NBPF26: variants seen among roughly 807,000 people sequenced by gnomAD.
The protein encoded by NBPF26 is NBPF family member NBPF26.
NBPF26 carries 79 observed loss-of-function variants against 119.6 expected under a neutral mutation model. The ratio of observed to expected loss-of-function variants is 0.66; its 90% confidence interval spans 0.55 to 0.80. The LOEUF is 0.80. Ranked by LOEUF, NBPF26 falls within the 30% of genes least tolerant of loss-of-function variation. The pLI is 0.00. For missense variants in NBPF26, 800 were observed against 1,198.2 expected (o/e 0.67, Z 4.91); for synonymous variants, 299 against 457.7 (o/e 0.65, Z 4.43).
At position 120,750,062 on chromosome 1, in the gene NBPF26, A is replaced by G; in HGVS notation, c.74-13566A>G. Among the ~76,000 whole-genome samples the G allele has an allele frequency of 4.5e-5, 3 of 66,706 alleles. No homozygotes were observed. In the Admixed American group the frequency reaches 4.6e-4, roughly 10 times the overall value. The allele number at this position is 66,706 out of a possible 152,430, so 43.8% of individuals were successfully genotyped here. On this transcript the variant is annotated intron_variant, in intron 1 of 29. Coordinates refer to ENST00000620612, the Ensembl canonical transcript of NBPF26. ...GAGAATGTTGTAGTCACAAATGTAT[A>G]TTATGGAAGTTTGCAGATTATGGTG...
chr1:120,840,789 G>T, downstream of NBPF26: 3 of 699,238 alleles, frequency 4.3e-6, no homozygotes, highest in Non-Finnish European at 6.5e-6. Flanking sequence ...CGTTAGGTGT[G>T]ACACGTTCAC....
rs1165026170 is a variant in NBPF26, at chr1:120,781,721, G to A, written c.156-3253G>A. Among the ~76,000 whole-genome samples the A allele has an allele frequency of 1.1e-3, 109 of 103,436 alleles. 26 individuals carry two copies. The highest frequency in any genetic ancestry group is 2.5e-3 in the South Asian group (9 of 3,576). 67.9% of individuals were successfully genotyped at this position (103,436 alleles called of 152,430 possible). A position where few individuals can be genotyped will look rare whatever the true frequency, so the allele number is the denominator to read the frequency against. On this transcript the variant is annotated intron_variant, in intron 2 of 29. Coordinates refer to ENST00000620612, the Ensembl canonical transcript of NBPF26. ...TGGGACTACAGGCGCCTGCCACCAC[G>A]CCTGGCTAATTTTTTATATTTTTAG...
chr1:120,801,408 A>T lies in NBPF26; in HGVS notation c.752-4148A>T, dbSNP rs1226808010. Among the ~76,000 whole-genome samples, 4 of 113,408 alleles carry T rather than the reference A, an allele frequency of 3.5e-5. 1 individual carries two copies. Among genetic ancestry groups the T allele is most frequent in the African/African-American group, 1.9e-4 (4 of 21,386 alleles). 74.4% of individuals were successfully genotyped at this position (113,408 alleles called of 152,430 possible). On this transcript the variant is annotated intron_variant, in intron 4 of 29. Coordinates refer to ENST00000620612, the Ensembl canonical transcript of NBPF26. ...TTTTGGAATATGGTAAAAGACACTG[A>T]AATATATGCTTAAAAATGGTGATTT...
intron 6 of NBPF26, among the ~76,000 whole-genome samples, chr1:120,807,971 C>G (rs1224176673): frequency 1.6e-5 from 2 of 122,284 alleles, no homozygotes; most frequent in Non-Finnish European, 3.3e-5. Context: ...CAAAATTTAC[C>G]AAAGGAGTGG....
At chr1:120,729,034 G>C (rs1382773292) in intron 1 of NBPF26, among the ~76,000 whole-genome samples, 1 of 116,126 alleles carries the variant, frequency 8.6e-6, no homozygotes, top group Non-Finnish European at 1.6e-5. Context: ...TGAGTGGCAG[G>C]TCTTAGTCAC....
intron 6 of NBPF26, among the ~76,000 whole-genome samples, chr1:120,808,215 G>T (rs1553270426): frequency 2.5e-5 from 3 of 118,804 alleles, no homozygotes; most frequent in Admixed American, 1.7e-4. Context: ...TGCACTATGT[G>T]TATTTTCACA....
intron 10 of NBPF26, among the ~76,000 whole-genome samples, chr1:120,813,637 C>T (rs1315151695): frequency 3.1e-5 from 4 of 128,748 alleles, no homozygotes; most frequent in East Asian, 3.9e-4. Context: ...TCTGACTCCA[C>T]TTCGTTGTGG....
downstream of NBPF26, chr1:120,840,779 C>T (rs1440751957): frequency 3.5e-5 from 29 of 824,366 alleles, 3 homozygotes; most frequent in South Asian, 1.3e-4. Context: ...AATGGACCCA[C>T]GTTAGGTGTG....
intron 2 of NBPF26, among the ~76,000 whole-genome samples, chr1:120,776,067 G>A (rs1651304471): frequency 8.8e-6 from 1 of 114,014 alleles, no homozygotes; most frequent in Non-Finnish European, 1.7e-5. Context: ...TTTTTAAGGG[G>A]TAAAGATTCC....
At position 120,789,424 on chromosome 1, in the gene NBPF26, G is replaced by A. The variant is rs1401648497; in HGVS notation, c.416-3737G>A. On this transcript the variant is annotated intron_variant, in intron 3 of 29. Coordinates refer to ENST00000620612, the Ensembl canonical transcript of NBPF26. ...CTTACAGTTCCATATGGCTGGGGAG[G>A]CCTCAGAATTATGGTGGGAGGCAAA... Among the ~76,000 whole-genome samples, 2 of 105,568 alleles carry A rather than the reference G, an allele frequency of 1.9e-5. 1 individual carries two copies. Among genetic ancestry groups the A allele is most frequent in the Non-Finnish European group, 3.5e-5 (2 of 56,808 alleles). The allele number at this position is 105,568 out of a possible 152,430, so 69.3% of individuals were successfully genotyped here.
intron 18 of NBPF26, among the ~76,000 whole-genome samples, chr1:120,825,275 G>C (rs1442559821): frequency 1.6e-5 from 2 of 122,280 alleles, no homozygotes; most frequent in Non-Finnish European, 3.2e-5. Context: ...GTGTCACCCG[G>C]CCAATTCACT....
In NBPF26 at chr1:120,793,513, T is replaced by C. The variant is rs1340702386; in HGVS notation, c.751+17T>C. 1.7e-6 allele frequency: 2 copies of C among 1,181,968 alleles called. 1 individual carries two copies. The highest frequency in any genetic ancestry group is 6.0e-5 in the African/African-American group (2 of 33,428). 73.2% of individuals were successfully genotyped at this position (1,181,968 alleles called of 1,614,324 possible). A position where few individuals can be genotyped will look rare whatever the true frequency, so the allele number is the denominator to read the frequency against. ...GCCTTCCAGGTAAGGAGCTCCCTAGTGTCCCAGGATTAGGGGACAAACCCC... is the reference window on the plus strand; with the variant it reads ...GCCTTCCAGGTAAGGAGCTCCCTAGCGTCCCAGGATTAGGGGACAAACCCC... On this transcript the variant is annotated intron_variant, in intron 4 of 29. Coordinates refer to ENST00000620612, the Ensembl canonical transcript of NBPF26.
intron 5 of NBPF26, among the ~76,000 whole-genome samples, chr1:120,806,845 A>G (rs1651699983): frequency 8.2e-6 from 1 of 121,614 alleles, no homozygotes; most frequent in Non-Finnish European, 1.7e-5. Flanking sequence ...GGGTACTACA[A>G]TAATACCTAC....
In NBPF26 at chr1:120,767,755, A is replaced by G. The variant is rs1429602293; in HGVS notation, c.155+4046A>G. Among the ~76,000 whole-genome samples, 4 of 115,530 alleles carry G rather than the reference A, an allele frequency of 3.5e-5. 1 individual carries two copies. The East Asian group carries it at 8.5e-4, about 25-fold the overall frequency. The allele number at this position is 115,530 out of a possible 152,430, so 75.8% of individuals were successfully genotyped here. A position where few individuals can be genotyped will look rare whatever the true frequency, so the allele number is the denominator to read the frequency against. ...GTTGTTGTTTGCTTCAGACTTTCAA[A>G]TATAAACCATTCTAAATCCCAATTT... On this transcript the variant is annotated intron_variant, in intron 2 of 29. Transcript: ENST00000620612.
At chr1:120,776,306 A>G (rs1651306325) in intron 2 of NBPF26, among the ~76,000 whole-genome samples, 2 of 104,826 alleles carry the variant, frequency 1.9e-5, no homozygotes, top group South Asian at 2.9e-4. Flanking sequence ...ACTTAATGAA[A>G]TTTTAGGGCT....
chr1:120,794,157 C>G (rs1651528649), intron 4 of NBPF26, among the ~76,000 whole-genome samples: 1 of 114,678 alleles, frequency 8.7e-6, no homozygotes, highest in African/African-American at 5.2e-5. Context: ...ATGTGTGGCA[C>G]AATACTTTGT....
chr1:120,840,308 G>A lies in NBPF26; in HGVS notation c.4104-42G>A, dbSNP rs1553273386. The A allele has an allele frequency of 9.8e-5, 141 of 1,443,374 alleles. 25 individuals are homozygous for A. Among genetic ancestry groups the A allele is most frequent in the East Asian group, 5.8e-4 (25 of 43,036 alleles). 89.4% of individuals were successfully genotyped at this position (1,443,374 alleles called of 1,614,324 possible). ...AATCTAGTGGGGCTCTGTGGTGTCC[G>A]ATTTTCCCTGGCTGCTTCTTTAGTT... On this transcript the variant is annotated intron_variant, in intron 29 of 29. Transcript: ENST00000620612.
At chr1:120,793,320 G>A (rs1651514576) in exon 4 of NBPF26, 1 of 1,406,368 alleles carries the variant, frequency 7.1e-7, no homozygotes, top group South Asian at 1.2e-5. Context: ...CCAGGACACT[G>A]CCAGCATGGT....
chr1:120,746,068 T>G (rs1214473816), intron 1 of NBPF26, among the ~76,000 whole-genome samples: 1 of 7,706 alleles, frequency 1.3e-4, no homozygotes, highest in African/African-American at 1.4e-3. Flanking sequence ...CCGGCTAATT[T>G]TTTTGTATTT....
Sources: allele counts gnomAD v4.1 joint callset (sites outside exome capture counted in the v4.1 genomes callset), GRCh38; gene constraint gnomAD v4.1.1; transcripts MANE v1.5; gene names NCBI Gene and HGNC (gene_info 2026-07-23, HGNC 2026-07-21).